Variants in FBXL5 observed in about 807,000 individuals in gnomAD.
FBXL5 encodes F-box and leucine rich repeat protein 5.
Under a neutral mutation model 78.3 loss-of-function variants are expected in FBXL5, and 26 were observed. That is an observed-to-expected ratio of 0.33 (90% CI 0.24 to 0.46). FBXL5 has a LOEUF of 0.46. Ranked by LOEUF, FBXL5 falls within the 20% of genes least tolerant of loss-of-function variation. FBXL5 has a pLI of 1.00. For missense variants in FBXL5, 710 were observed against 829.2 expected, an observed-to-expected ratio of 0.86 and a Z score of 1.77; for synonymous variants, 295 against 282.5, an observed-to-expected ratio of 1.04 and a Z score of -0.45.
At chr4:15,671,278 G>A (rs1225205181) in intron 1 of FBXL5, among the ~76,000 whole-genome samples, 1 of 152,034 alleles carries the variant, frequency 6.6e-6, no homozygotes, top group Non-Finnish European at 1.5e-5. Context: ...CTTGAAATAT[G>A]TTGCTCTACT....
At chr4:15,673,193 A>G (rs1377500681) in intron 1 of FBXL5, among the ~76,000 whole-genome samples, 2 of 152,208 alleles carry the variant, frequency 1.3e-5, no homozygotes, top group African/African-American at 2.4e-5. Flanking sequence ...TGTAATAAGC[A>G]CTTTGGGAGG....
intron 9 of FBXL5, among the ~76,000 whole-genome samples, chr4:15,617,299 C>T (rs1017322387): frequency 1.3e-5 from 2 of 152,022 alleles, no homozygotes; most frequent in African/African-American, 4.8e-5. Context: ...CCCAGCACTT[C>T]GGGAGGCCGA....
intron 1 of FBXL5, among the ~76,000 whole-genome samples, chr4:15,665,960 A>G (rs1443071259): frequency 6.6e-6 from 1 of 152,074 alleles, no homozygotes; most frequent in Non-Finnish European, 1.5e-5. Context: ...AAGCTGAATC[A>G]CTTCCTTGAG....
intron 1 of FBXL5, among the ~76,000 whole-genome samples, chr4:15,649,278 G>A (rs146415870): frequency 2.4e-3 from 359 of 152,146 alleles, no homozygotes; most frequent in African/African-American, 8.2e-3. Flanking sequence ...AGTAAATTTA[G>A]CAGTTAAAAG....
At chr4:15,675,097 T>C (rs1172911697) in intron 1 of FBXL5, among the ~76,000 whole-genome samples, 1 of 152,192 alleles carries the variant, frequency 6.6e-6, no homozygotes, top group Non-Finnish European at 1.5e-5. Context: ...ATGAAGCAAC[T>C]GTAAGGTATT....
intron 9 of FBXL5, among the ~76,000 whole-genome samples, chr4:15,613,403 T>A (rs1477512898): frequency 6.6e-6 from 1 of 152,170 alleles, no homozygotes; most frequent in African/African-American, 2.4e-5. Context: ...CCTAGAAGAA[T>A]AAAAGCAGTA....
At chr4:15,646,277 T>C (rs1715336930) in intron 1 of FBXL5, among the ~76,000 whole-genome samples, 1 of 152,132 alleles carries the variant, frequency 6.6e-6, no homozygotes, top group African/African-American at 2.4e-5. Flanking sequence ...TTTGATTTTT[T>C]CCAACTATTT....
At chr4:15,624,039 C>T (rs1051966328) in intron 9 of FBXL5, among the ~76,000 whole-genome samples, 30 of 151,740 alleles carry the variant, frequency 2.0e-4, no homozygotes, top group African/African-American at 7.0e-4. Flanking sequence ...TTAGCCAGGA[C>T]GGTCTCAATC....
At chr4:15,611,586 T>C (rs1722270015) in intron 10 of FBXL5, among the ~76,000 whole-genome samples, 1 of 152,110 alleles carries the variant, frequency 6.6e-6, no homozygotes, top group African/African-American at 2.4e-5. Flanking sequence ...GCACTGAACA[T>C]ACTTTGAAAA....
intron 5 of FBXL5, among the ~76,000 whole-genome samples, chr4:15,633,881 C>T (rs867234222): frequency 7.9e-5 from 12 of 152,138 alleles, no homozygotes; most frequent in African/African-American, 2.4e-4. Context: ...AGATTACAGG[C>T]GTGAGCCACC....
intron 8 of FBXL5, among the ~76,000 whole-genome samples, chr4:15,626,364 C>T (rs746852719): frequency 5.9e-5 from 9 of 152,052 alleles, no homozygotes; most frequent in Admixed American, 3.3e-4. Flanking sequence ...AGCTTTAGCC[C>T]GAGAAGAGTA....
At chr4:15,678,139 CA>C (rs1423343888) in intron 1 of FBXL5, among the ~76,000 whole-genome samples, 4 of 152,016 alleles carry the variant, frequency 2.6e-5, no homozygotes, top group African/African-American at 9.7e-5. Context: ...AAAAATCAAA[CA>C]AAAAACTATG....
chr4:15,631,159 C>T (rs373103821), intron 5 of FBXL5, among the ~76,000 whole-genome samples: 2 of 152,068 alleles, frequency 1.3e-5, no homozygotes, highest in Non-Finnish European at 2.9e-5. Flanking sequence ...TGAGTGAGAA[C>T]ATGCGGTATT....
intron 6 of FBXL5, among the ~76,000 whole-genome samples, chr4:15,630,212 A>G (rs184031946): frequency 5.6e-4 from 85 of 152,270 alleles, no homozygotes; most frequent in Non-Finnish European, 1.0e-3. Context: ...ATATTTATGT[A>G]TATTACTTCT....
upstream of FBXL5, chr4:15,656,189 A>G (rs1008556503): frequency 5.3e-5 from 24 of 456,118 alleles, no homozygotes; most frequent in African/African-American, 1.0e-4. Flanking sequence ...AAATCCCGCC[A>G]TTTTAAGCGG....
At chr4:15,623,581 T>C (rs1368256193) in intron 9 of FBXL5, among the ~76,000 whole-genome samples, 1 of 152,218 alleles carries the variant, frequency 6.6e-6, no homozygotes, top group Non-Finnish European at 1.5e-5. Context: ...TAAAATCAAG[T>C]TGCATTCAAA....
At chr4:15,622,171 C>A (rs1712550428) in intron 9 of FBXL5, among the ~76,000 whole-genome samples, 1 of 152,116 alleles carries the variant, frequency 6.6e-6, no homozygotes. Flanking sequence ...ACCAACTTGT[C>A]AAAACTCATG....
At chr4:15,648,649 T>C (rs1453240575) in intron 1 of FBXL5, among the ~76,000 whole-genome samples, 3 of 152,180 alleles carry the variant, frequency 2.0e-5, no homozygotes, top group Non-Finnish European at 4.4e-5. Context: ...TCTCACTATA[T>C]ATGGAATCTA....
At chr4:15,675,388 T>C (rs1323646784) in intron 1 of FBXL5, among the ~76,000 whole-genome samples, 2 of 152,140 alleles carry the variant, frequency 1.3e-5, no homozygotes, top group African/African-American at 2.4e-5. Context: ...TACTATAGTA[T>C]ATAAAGATTT....
Sources: allele counts gnomAD v4.1 joint callset (sites outside exome capture counted in the v4.1 genomes callset), GRCh38; gene constraint gnomAD v4.1.1; transcripts MANE v1.5; gene names NCBI Gene and HGNC (gene_info 2026-07-23, HGNC 2026-07-21).